Variants in ZBTB20 observed in about 807,000 individuals in gnomAD.
ZBTB20 encodes the protein zinc finger and BTB domain containing 20.
A neutral mutation model predicts 56.9 loss-of-function variants in ZBTB20; 9 were observed. That is an observed-to-expected ratio of 0.16 (90% confidence interval 0.10 to 0.28). The LOEUF (loss-of-function observed/expected upper bound fraction) is 0.28, where lower values mean the gene tolerates loss of function less well. ZBTB20 is among the 10% of genes least tolerant of loss of function. The pLI is 1.00. For missense variants in ZBTB20, 655 were observed against 1,003.0 expected (o/e 0.65, Z 4.69); for synonymous variants, 417 against 420.7 (o/e 0.99, Z 0.11).
chr3:115,023,440 G>A (rs2080287648), intron 2 of ZBTB20, among the ~76,000 whole-genome samples: 1 of 150,608 alleles, frequency 6.6e-6, no homozygotes, highest in African/African-American at 2.4e-5. Flanking sequence ...CAGCTCTCAT[G>A]TCTGTGTCTT....
At chr3:114,798,375 T>G (rs941379125) in intron 5 of ZBTB20, among the ~76,000 whole-genome samples, 4 of 150,686 alleles carry the variant, frequency 2.7e-5, no homozygotes, top group African/African-American at 9.7e-5. Context: ...AAAAAACCTC[T>G]TTTGATAACA....
intron 3 of ZBTB20, among the ~76,000 whole-genome samples, chr3:114,909,309 TGTAAA>T (rs1560387283): frequency 1.3e-5 from 2 of 151,922 alleles, no homozygotes; most frequent in Admixed American, 1.3e-4. Flanking sequence ...AGAATAAAGA[TGTAAA>T]GAAAAAATAT....
chr3:114,398,978 T>C (rs2086575911), intron 7 of ZBTB20, among the ~76,000 whole-genome samples: 3 of 152,158 alleles, frequency 2.0e-5, no homozygotes, highest in Non-Finnish European at 4.4e-5. Context: ...CCCATAAAGC[T>C]CTTTTATTGA....
chr3:114,435,780 C>A (rs2090473882), intron 7 of ZBTB20, among the ~76,000 whole-genome samples: 2 of 152,060 alleles, frequency 1.3e-5, no homozygotes, highest in East Asian at 1.9e-4. Context: ...TAAAAAAATT[C>A]TTCATTTATG....
chr3:114,745,267 T>C (rs1402236901), intron 5 of ZBTB20, among the ~76,000 whole-genome samples: 2 of 152,170 alleles, frequency 1.3e-5, no homozygotes, highest in Non-Finnish European at 2.9e-5. Flanking sequence ...CCACAAACAA[T>C]GCTTACCATG....
At chr3:114,502,066 T>C (rs566150867) in intron 6 of ZBTB20, among the ~76,000 whole-genome samples, 1 of 151,974 alleles carries the variant, frequency 6.6e-6, no homozygotes, top group African/African-American at 2.4e-5. Flanking sequence ...AGGAGAGCCA[T>C]GACAAATTAA....
intron 2 of ZBTB20, among the ~76,000 whole-genome samples, chr3:115,029,959 G>A (rs1560507313): frequency 6.6e-6 from 1 of 150,636 alleles, no homozygotes; most frequent in Non-Finnish European, 1.5e-5. Context: ...GAAACTAAAA[G>A]GCAAACAATA....
At chr3:114,643,714 T>C (rs563587480) in intron 6 of ZBTB20, among the ~76,000 whole-genome samples, 2 of 152,246 alleles carry the variant, frequency 1.3e-5, no homozygotes, top group East Asian at 3.9e-4. Context: ...AAACCTCTTC[T>C]TGGAGTTTTG....
chr3:114,382,886 T>C (rs2084559544), intron 8 of ZBTB20, among the ~76,000 whole-genome samples: 1 of 152,200 alleles, frequency 6.6e-6, no homozygotes, highest in African/African-American at 2.4e-5. Flanking sequence ...GATGTACCCA[T>C]GATGTGCCAA....
intron 6 of ZBTB20, among the ~76,000 whole-genome samples, chr3:114,575,316 T>C (rs936183509): frequency 7.2e-5 from 11 of 152,310 alleles, no homozygotes; most frequent in Non-Finnish European, 2.9e-5. Flanking sequence ...GTACTTCTTA[T>C]AAATCAATCA....
intron 3 of ZBTB20, among the ~76,000 whole-genome samples, chr3:114,939,699 T>C (rs2076664080): frequency 6.8e-6 from 1 of 146,212 alleles, no homozygotes; most frequent in Admixed American, 6.6e-5. Flanking sequence ...ATCTGAAGAA[T>C]ACTGTCTTAA....
chr3:114,671,406 C>T (rs999957725), intron 6 of ZBTB20, among the ~76,000 whole-genome samples: 5 of 152,064 alleles, frequency 3.3e-5, no homozygotes, highest in African/African-American at 1.2e-4. Context: ...ATAGTTTAAG[C>T]TTCTGGTAAA....
chr3:114,864,895 G>C (rs2075699154), intron 4 of ZBTB20, among the ~76,000 whole-genome samples: 1 of 151,956 alleles, frequency 6.6e-6, no homozygotes. Flanking sequence ...TCTGCATATG[G>C]ATTTTATGTT....
intron 6 of ZBTB20, among the ~76,000 whole-genome samples, chr3:114,689,757 G>C (rs1394741064): frequency 6.6e-6 from 1 of 152,112 alleles, no homozygotes; most frequent in Non-Finnish European, 1.5e-5. Flanking sequence ...TTAAAAGGCA[G>C]TTTATATTCT....
chr3:114,480,665 C>T (rs1177090626), intron 7 of ZBTB20, among the ~76,000 whole-genome samples: 1 of 152,130 alleles, frequency 6.6e-6, no homozygotes, highest in African/African-American at 2.4e-5. Context: ...ACCTCAGTTG[C>T]AACACACTTC....
At chr3:114,975,186 A>G (rs2078046014) in intron 2 of ZBTB20, among the ~76,000 whole-genome samples, 1 of 152,142 alleles carries the variant, frequency 6.6e-6, no homozygotes, top group East Asian at 1.9e-4. Context: ...GGTGATTTTG[A>G]CTATAGAAAG....
At chr3:114,585,803 T>G (rs1383365387) in intron 6 of ZBTB20, among the ~76,000 whole-genome samples, 1 of 152,230 alleles carries the variant, frequency 6.6e-6, no homozygotes, top group Non-Finnish European at 1.5e-5. Context: ...CAGGAATAAC[T>G]TGCTTGTCAT....
chr3:114,382,383 C>CT (rs2084479705), intron 8 of ZBTB20, among the ~76,000 whole-genome samples: 1 of 152,178 alleles, frequency 6.6e-6, no homozygotes, highest in Non-Finnish European at 1.5e-5. Flanking sequence ...TCTCTTCTAA[C>CT]TTTTCTCATG....
intron 5 of ZBTB20, among the ~76,000 whole-genome samples, chr3:114,752,250 GTATC>G (rs5851933): frequency 0.85 from 129,460 of 151,776 alleles, 56,156 homozygotes; most frequent in East Asian, 0.98. Flanking sequence ...TCTGACTCTC[GTATC>G]TATCTACTCT....
Sources: allele counts gnomAD v4.1 joint callset (sites outside exome capture counted in the v4.1 genomes callset), GRCh38; gene constraint gnomAD v4.1.1; transcripts MANE v1.5; gene names NCBI Gene and HGNC (gene_info 2026-07-23, HGNC 2026-07-21).